EBF1: variants seen among roughly 807,000 people sequenced by gnomAD.
EBF1 encodes transcription factor COE1.
Under a neutral mutation model 68.4 loss-of-function variants are expected in EBF1, and 10 were observed. The ratio of observed to expected loss-of-function variants is 0.15; its 90% CI spans 0.09 to 0.25. The LOEUF (loss-of-function observed/expected upper bound fraction) is 0.25. Among genes scored for constraint, EBF1 ranks in the 10% least tolerant of loss-of-function variants. The probability of loss-of-function intolerance (pLI) is 1.00; values close to 1 mark genes in which losing one functional copy is unlikely to be tolerated. For synonymous variants in EBF1, 298 were observed against 299.8 expected, an observed-to-expected ratio of 0.99 and a Z score of 0.06; for missense variants, 509 against 794.4, an observed-to-expected ratio of 0.64 and a Z score of 4.32.
rs182241889 is a variant in EBF1, at chr5:158,773,688, G to A, written c.1036+3725C>T. The stretch of plus-strand genomic sequence containing the variant: ...GCAACACATGCATTTGGAATTGGCC[G>A]CTTCTTATCAGGAAAACCAACTACA... On this transcript the variant is annotated intron_variant, in intron 10 of 15. Coordinates refer to ENST00000313708, the MANE Select transcript of EBF1 (RefSeq NM_024007.5). 3.9e-4 allele frequency among the ~76,000 whole-genome samples: 60 copies of A among 152,122 alleles called. 1 individual carries two copies. Among genetic ancestry groups the A allele is most frequent in the Admixed American group, 1.3e-4 (2 of 15,266 alleles).
intron 14 of EBF1, among the ~76,000 whole-genome samples, chr5:158,711,446 C>G (rs1208676651): frequency 1.3e-5 from 2 of 152,198 alleles, no homozygotes; most frequent in Non-Finnish European, 2.9e-5. Context: ...TCAGGACAAG[C>G]TCACTGTATG....
intron 11 of EBF1, among the ~76,000 whole-genome samples, chr5:158,726,446 G>A (rs1763003096): frequency 6.6e-6 from 1 of 152,158 alleles, no homozygotes; most frequent in African/African-American, 2.4e-5. Context: ...TCTATTAAGT[G>A]GTGGTGTTCT....
intron 7 of EBF1, among the ~76,000 whole-genome samples, chr5:158,834,331 G>T (rs1384599353): frequency 6.6e-6 from 1 of 152,144 alleles, no homozygotes; most frequent in Non-Finnish European, 1.5e-5. Flanking sequence ...AGTCATAAGT[G>T]AATTTCTCCC....
chr5:158,719,451 A>T (rs1761474447), intron 11 of EBF1, among the ~76,000 whole-genome samples: 1 of 152,204 alleles, frequency 6.6e-6, no homozygotes, highest in Non-Finnish European at 1.5e-5. Context: ...ATATGCAGAC[A>T]TAGTTAACTC....
chr5:158,901,832 T>C (rs758358688), intron 6 of EBF1, among the ~76,000 whole-genome samples: 1 of 152,208 alleles, frequency 6.6e-6, no homozygotes, highest in South Asian at 2.1e-4. Context: ...GGCTCACGCC[T>C]GTAATACCAG....
intron 6 of EBF1, among the ~76,000 whole-genome samples, chr5:158,878,804 C>T (rs1339278015): frequency 6.6e-6 from 1 of 151,966 alleles, no homozygotes; most frequent in East Asian, 1.9e-4. Flanking sequence ...CCACGGTGCT[C>T]AGCTAATTTT....
At chr5:159,050,679 G>T (rs757246465) in intron 6 of EBF1, among the ~76,000 whole-genome samples, 1 of 152,124 alleles carries the variant, frequency 6.6e-6, no homozygotes, top group Non-Finnish European at 1.5e-5. Flanking sequence ...CCCTTATAAG[G>T]GTTGACTGAC....
At chr5:159,060,589 A>G (rs894837207) in intron 6 of EBF1, among the ~76,000 whole-genome samples, 1 of 151,582 alleles carries the variant, frequency 6.6e-6, no homozygotes, top group Non-Finnish European at 1.5e-5. Context: ...TTCTTTTTGC[A>G]TGCTTCAAAA....
rs766122765 is a variant in EBF1 at position 158,938,796 on chromosome 5, CTAA to C, written c.555-98689_555-98687del. Among the ~76,000 whole-genome samples the C allele has an allele frequency of 4.1e-4, 62 of 152,340 alleles. 1 individual carries two copies. In the Middle Eastern group the frequency reaches 0.01, roughly 25 times the overall value. On this transcript the variant is annotated intron_variant, in intron 6 of 15. Transcript: ENST00000313708. ...AATTACCTCCCAAAAACCTCACCTC[CTAA>C]TAATATCACATCGGGGGTTGGAGCT...
rs568374308 is a variant in EBF1, at chr5:158,766,921, G to C, written c.1036+10492C>G. Among the ~76,000 whole-genome samples, 32 of 152,220 alleles carry C rather than the reference G, an allele frequency of 2.1e-4. 1 individual carries two copies. In the South Asian group the frequency reaches 5.2e-3, roughly 25 times the overall value. ...CCAAATAGTTTATTGGCTTTGAAAA[G>C]CAAATCATGTTATATCATACTAAAA... On this transcript the variant is annotated intron_variant, in intron 10 of 15. Transcript: ENST00000313708.
chr5:158,862,911 G>A (rs537682515), intron 6 of EBF1, among the ~76,000 whole-genome samples: 1 of 152,194 alleles, frequency 6.6e-6, no homozygotes, highest in Non-Finnish European at 1.5e-5. Flanking sequence ...ATTCTTGAAC[G>A]ATTGAATTCT....
intron 6 of EBF1, among the ~76,000 whole-genome samples, chr5:158,921,631 T>A (rs1422348228): frequency 1.3e-5 from 2 of 152,202 alleles, no homozygotes; most frequent in African/African-American, 4.8e-5. Context: ...TTAGCGTGCA[T>A]TAATTAGTCC....
chr5:158,752,573 C>A (rs187849352), intron 10 of EBF1, among the ~76,000 whole-genome samples: 150 of 152,090 alleles, frequency 9.9e-4, no homozygotes, highest in Non-Finnish European at 3.1e-4. Context: ...GAACAGTCTA[C>A]AATGGCAAAT....
intron 6 of EBF1, among the ~76,000 whole-genome samples, chr5:158,903,581 TCTG>T (rs1373831075): frequency 1.3e-5 from 2 of 152,116 alleles, no homozygotes; most frequent in African/African-American, 4.8e-5. Context: ...GATTTCTTTA[TCTG>T]CTATGTTCTT....
intron 6 of EBF1, among the ~76,000 whole-genome samples, chr5:158,978,486 C>T (rs1757220455): frequency 6.6e-6 from 1 of 152,084 alleles, no homozygotes; most frequent in Non-Finnish European, 1.5e-5. Flanking sequence ...AAGCCTTAAC[C>T]TTTAAGGCAG....
intron 8 of EBF1, among the ~76,000 whole-genome samples, chr5:158,801,726 A>G (rs1029458048): frequency 2.0e-5 from 3 of 151,988 alleles, no homozygotes; most frequent in Non-Finnish European, 4.4e-5. Context: ...TTTAACAACT[A>G]ATGTTCTGTG....
At chr5:158,838,806 G>T (rs1352256677) in intron 7 of EBF1, among the ~76,000 whole-genome samples, 1 of 152,170 alleles carries the variant, frequency 6.6e-6, no homozygotes, top group African/African-American at 2.4e-5. Flanking sequence ...TAAACACCAT[G>T]CTGTTTCCTT....
chr5:158,875,056 T>C lies in EBF1; in HGVS notation c.555-34946A>G, dbSNP rs77857144. On this transcript the variant is annotated intron_variant, in intron 6 of 15. Transcript: ENST00000313708. ...ACACACACAAGCACACACACACACA[T>C]ACACACACACACACACACACACACA... 2.3e-3 allele frequency among the ~76,000 whole-genome samples: 341 copies of C among 147,392 alleles called. 1 individual carries two copies. Among genetic ancestry groups the C allele is most frequent in the Admixed American group, 4.7e-3 (70 of 14,778 alleles).
At chr5:158,746,061 C>T (rs1767491388) in intron 10 of EBF1, among the ~76,000 whole-genome samples, 2 of 152,128 alleles carry the variant, frequency 1.3e-5, no homozygotes, top group Non-Finnish European at 2.9e-5. Context: ...ATTACTACTG[C>T]TTTGGGTTAT....
Sources: gnomAD v4.1 joint callset for allele counts (sites outside exome capture counted in the v4.1 genomes callset) on GRCh38, gnomAD v4.1.1 for gene constraint, MANE v1.5 for transcripts, NCBI Gene and HGNC (gene_info 2026-07-23, HGNC 2026-07-21) for gene names.